FN1: variants seen among roughly 807,000 people sequenced by gnomAD.
The protein encoded by FN1 is fibronectin 1.
In FN1, 106 loss-of-function variants were observed where a neutral mutation model predicts 297.3. That is an observed-to-expected ratio of 0.36 (90% CI 0.30 to 0.42). The LOEUF (loss-of-function observed/expected upper bound fraction) is 0.42. Among genes scored for constraint, FN1 ranks in the 10% least tolerant of loss-of-function variants. The probability of loss-of-function intolerance (pLI) is 1.00; values close to 1 mark genes in which losing one functional copy is unlikely to be tolerated. For missense variants in FN1, 2,690 were observed against 3,124.9 expected (o/e 0.86, Z 3.32); for synonymous variants, 1,149 against 1,152.6 (o/e 1.00, Z 0.06).
At chr2:215,366,455 C>T (rs2054622848) in intron 42 of FN1, among the ~76,000 whole-genome samples, 1 of 152,030 alleles carries the variant, frequency 6.6e-6, no homozygotes. Context: ...AAAAATGAAC[C>T]CGGATAAAAT....
Position 215,379,252 on chromosome 2 carries a change from T to A in FN1, c.5500A>T (p.Thr1834Ser), listed in dbSNP as rs766023204. Reference protein sequence around the residue: ...VTPTSLSAQWTPPNVQLTGYR... With the variant: ...VTPTSLSAQWSPPNVQLTGYR... ...CCAGTGAGCTGAACATTGGGTGGTG[T>A]CCACTGGGCGCTCAGGCTTGTGGGT... is the stretch of plus-strand genomic sequence containing the variant. The change falls in exon 34 of 46, where the codon ACA becomes TCA. Residue 1834 changes from threonine (T) to serine (S), a missense_variant. By Grantham distance (58) the Thr-to-Ser change is moderately conservative (BLOSUM62 1). Around this residue, in one of 3 missense-constraint regions of FN1, gnomAD observed 1,743 missense variants for 1,945.2 expected, o/e 0.90. Coordinates refer to ENST00000354785, the MANE Select transcript of FN1 (RefSeq NM_212482.4). The A allele has an allele frequency of 1.9e-6, 3 of 1,614,098 alleles. No homozygotes were observed. The South Asian group carries it at 3.3e-5, about 18-fold the overall frequency.
chr2:215,362,779 G>C (rs1263146140), intron 44 of FN1: 1 of 152,738 alleles, frequency 6.5e-6, no homozygotes, highest in East Asian at 1.9e-4. Flanking sequence ...TTTCACTACT[G>C]TTCTTAAGCT....
intron 23 of FN1, among the ~76,000 whole-genome samples, chr2:215,395,470 C>T (rs1279223167): frequency 2.6e-5 from 4 of 151,114 alleles, no homozygotes; most frequent in Admixed American, 6.6e-5. Flanking sequence ...GCCCAGGAGA[C>T]GGAGGTTGCA....
chr2:215,409,746 A>C lies in FN1; in HGVS notation c.2123-7T>G. The C allele has an allele frequency of 6.2e-7, 1 of 1,613,944 alleles. No homozygotes were observed. The highest frequency in any genetic ancestry group is 8.5e-7 in the Non-Finnish European group (1 of 1,179,912). Reference sequence around the variant, plus strand: ...TCTCCTGTCACGGTGTTGCCTAGAGAGTCACAGAAAGGGGAAAGTCAGCCT... The same window carrying C: ...TCTCCTGTCACGGTGTTGCCTAGAGCGTCACAGAAAGGGGAAAGTCAGCCT... On this transcript the variant is annotated splice_region_variant and splice_polypyrimidine_tract_variant and intron_variant, in intron 14 of 45. Transcript: ENST00000354785.
At position 215,375,276 on chromosome 2, in the gene FN1, C is replaced by T; in HGVS notation, c.6095G>A (p.Gly2032Glu). 6.2e-7 allele frequency: 1 copy of T among 1,614,094 alleles called. No individual in the cohort carries two copies. Among genetic ancestry groups the T allele is most frequent in the Non-Finnish European group, 8.5e-7 (1 of 1,180,008 alleles). ...AGGGACCACTTCTCTGGGAGGAGAC[C>T]CAGGCTTCTCATACTTGATGATGTA... ...TGYIIKYEKP[G>E]SPPREVVPRP... The change falls in exon 38 of 46, where the codon GGG becomes GAG. Residue 2032 changes from glycine to glutamate, a missense_variant. This residue lies in a region of FN1 where 1,743 missense variants were observed against 1,945.2 expected (regional missense o/e 0.90). Coordinates refer to ENST00000354785, the MANE Select transcript of FN1 (RefSeq NM_212482.4).
chr2:215,380,560 C>T, intron 33 of FN1: 2 of 539,888 alleles, frequency 3.7e-6, no homozygotes, highest in South Asian at 2.2e-5. Flanking sequence ...CTTTAGTATC[C>T]TCTTCAAATG....
At position 215,397,745 on chromosome 2, in the gene FN1, T is replaced by C; in HGVS notation, c.3452A>G (p.Tyr1151Cys). Residue 1151 changes from tyrosine to cysteine, a missense_variant, in exon 22 of 46, where the codon TAC becomes TGC. Transcript: ENST00000354785. ...TCCATCTCTCAGGACTTGGATGGTG[T>C]AGACGTATTCTACTCCTGGAGTCAA... Reference protein sequence around the residue: ...SGLTPGVEYVYTIQVLRDGQE... With the variant: ...SGLTPGVEYVCTIQVLRDGQE... 6.2e-7 allele frequency: 1 copy of C among 1,614,110 alleles called. No homozygotes were observed. Among genetic ancestry groups the C allele is most frequent in the South Asian group, 1.1e-5 (1 of 91,084 alleles).
Position 215,405,742 on chromosome 2 carries a change from CA to C in FN1, c.2986+495del, listed in dbSNP as rs547657703. On this transcript the variant is annotated intron_variant, in intron 19 of 45. Transcript: ENST00000354785. ...CTGGCGACAGAGCGAGACTCCATCT[CA>C]AAAAAATAAATAAATAAAATAATAA... Among the ~76,000 whole-genome samples, 25 of 151,722 alleles carry C rather than the reference CA, an allele frequency of 1.6e-4. No individual in the cohort carries two copies. The South Asian group carries it at 4.8e-3, about 29-fold the overall frequency.
chr2:215,370,375 T>TGG lies in FN1; in HGVS notation c.6770_6771dup (p.Thr2258ProfsTer6). ...AGTGCCTCCACTATGACGTTGTAGGTGGCACCTCTGGTGAGGCCTGTCAGA... is the reference window on the plus strand; with the variant it reads ...AGTGCCTCCACTATGACGTTGTAGGTGGGGCACCTCTGGTGAGGCCTGTCAGA... On this transcript the variant is annotated frameshift_variant, in exon 41 of 46. Transcript: ENST00000354785. LOFTEE classifies it high-confidence loss of function. The TGG allele has an allele frequency of 6.2e-7, 1 of 1,613,278 alleles. No homozygotes were observed. Among genetic ancestry groups the TGG allele is most frequent in the Non-Finnish European group, 8.5e-7 (1 of 1,179,428 alleles).
chr2:215,409,675 G>A lies in FN1; in HGVS notation c.2187C>T (p.Thr729=), dbSNP rs147004347. Reference sequence around the variant, plus strand: ...CCACAAAGCTACTGGCTGTGATTTCGGTCACAGATTCAGAAGTGGCCACAA... The same window carrying A: ...CCACAAAGCTACTGGCTGTGATTTCAGTCACAGATTCAGAAGTGGCCACAA... ...SPLVATSESV[T]EITASSFVVS... is the part of the protein sequence containing the mutation. The change falls in exon 15 of 46, where the codon ACC becomes ACT. Residue 729 remains threonine, a synonymous_variant. Transcript: ENST00000354785. 142 of 1,613,790 alleles carry A rather than the reference G, an allele frequency of 8.8e-5. No individual in the cohort carries two copies. The highest frequency in any genetic ancestry group is 4.0e-5 in the African/African-American group (3 of 74,836).
chr2:215,404,323 G>A (rs56380797), intron 20 of FN1, 66 bp downstream of exon 20: 2 of 1,404,784 alleles, frequency 1.4e-6, no homozygotes, highest in Non-Finnish European at 2.0e-6. Flanking sequence ...GTTTTGTTTT[G>A]TTTTAAAGCA....
At chr2:215,365,209 A>G (rs1388481583) in intron 43 of FN1, among the ~76,000 whole-genome samples, 3 of 152,214 alleles carry the variant, frequency 2.0e-5, no homozygotes, top group Non-Finnish European at 2.9e-5. Flanking sequence ...GAAGATGGAA[A>G]TCATATTTTA....
At chr2:215,422,324 G>A in intron 9 of FN1, 81 bp from the exon 10 acceptor site, 1 of 1,363,642 alleles carries the variant, frequency 7.3e-7, no homozygotes, top group Non-Finnish European at 1.1e-6. Context: ...GATCAGTTCA[G>A]TTTGGTCATC....
intron 45 of FN1, 158 bp from the exon 46 acceptor site, chr2:215,361,784 G>C (rs2053497523): frequency 2.2e-6 from 1 of 449,554 alleles, no homozygotes; most frequent in Non-Finnish European, 2.9e-6. Context: ...GGCAATAGGA[G>C]ATGTTCAAGA....
At position 215,410,086 on chromosome 2, in the gene FN1, G is replaced by A. The variant is rs1249819296; in HGVS notation, c.1970C>T (p.Ala657Val). ...PKNSVGRWKE[A>V]TIPGHLNSYT... Reference sequence around the variant, plus strand: ...GGAGTTTAAGTGGCCTGGTATGGTAGCTTCCTTCCAACGGCCTACAGAATT... The same window carrying A: ...GGAGTTTAAGTGGCCTGGTATGGTAACTTCCTTCCAACGGCCTACAGAATT... The change falls in exon 14 of 46, where the codon GCT becomes GTT. Residue 657 changes from alanine to valine, a missense_variant. Coordinates refer to ENST00000354785, the MANE Select transcript of FN1 (RefSeq NM_212482.4). The A allele has an allele frequency of 6.2e-7, 1 of 1,613,516 alleles. No individual in the cohort carries two copies. The highest frequency in any genetic ancestry group is 1.7e-5 in the Admixed American group (1 of 59,906).
Position 215,394,619 on chromosome 2 carries a change from A to T in FN1, c.3705T>A (p.Asp1235Glu). The change falls in exon 24 of 46, where the codon GAT (aspartate) becomes GAA (glutamate). Residue 1235 changes from aspartate to glutamate, a missense_variant. Asp to Glu is a conservative substitution (Grantham distance 45). This residue lies in a region of FN1 where 1,743 missense variants were observed against 1,945.2 expected (regional missense o/e 0.90). Coordinates refer to ENST00000354785, the MANE Select transcript of FN1 (RefSeq NM_212482.4). ...TGTACTCCAGGCCGGGACTCAGGTTATCAAAAGTGCAGGAGCTCTGATCAG... is the reference window on the plus strand; with the variant it reads ...TGTACTCCAGGCCGGGACTCAGGTTTTCAAAAGTGCAGGAGCTCTGATCAG... ...VHADQSSCTF[D>E]NLSPGLEYNV... 1 of 1,614,164 alleles carries T rather than the reference A, an allele frequency of 6.2e-7. No homozygotes were observed. Among genetic ancestry groups the T allele is most frequent in the Non-Finnish European group, 8.5e-7 (1 of 1,180,000 alleles).
rs781399494 is a variant in FN1 at position 215,394,682 on chromosome 2, G to A, written c.3642C>T (p.Asn1214=). The change falls in exon 24 of 46, where the codon AAC becomes AAT. Residue 1214 remains asparagine (N), a synonymous_variant. Transcript: ENST00000354785. ...TGYRITTTPT[N]GQQGNSLEEV... ...CTTCCAAAGAATTTCCCTGCTGGCC[G>A]TTTGTAGGGGTTGTGGTAATTCTAT... 29 of 1,613,988 alleles carry A rather than the reference G, an allele frequency of 1.8e-5. No individual in the cohort carries two copies. The highest frequency in any genetic ancestry group is 2.2e-5 in the East Asian group (1 of 44,894).
chr2:215,402,098 A>C (rs1201008406), intron 20 of FN1, among the ~76,000 whole-genome samples: 3 of 152,218 alleles, frequency 2.0e-5, no homozygotes, highest in Non-Finnish European at 2.9e-5. Flanking sequence ...GAGAACAGTC[A>C]GTTTCTTTCA....
intron 36 of FN1, 84 bp downstream of exon 36, chr2:215,376,414 G>C (rs1034790195): frequency 9.1e-6 from 11 of 1,207,220 alleles, no homozygotes; most frequent in Admixed American, 3.4e-5. Flanking sequence ...AATTTTATCA[G>C]TGTCAGTCGT....
Sources: allele counts gnomAD v4.1 joint callset (sites outside exome capture counted in the v4.1 genomes callset), GRCh38; gene constraint gnomAD v4.1.1; regional missense constraint gnomAD v4.1.1; transcripts MANE v1.5; gene names NCBI Gene and HGNC (gene_info 2026-07-23, HGNC 2026-07-21).